The following UNC13C variants were observed in gnomAD, a reference collection of about 807,000 sequenced individuals.
UNC13C encodes unc-13 homolog C, also known as protein unc-13 homolog C.
Under a neutral mutation model 245.4 loss-of-function variants are expected in UNC13C, and 174 were observed. That is an observed-to-expected ratio of 0.71 (90% CI 0.63 to 0.80). UNC13C has a LOEUF of 0.80. Ranked by LOEUF, UNC13C falls within the 30% of genes least tolerant of loss-of-function variation. UNC13C has a pLI of 0.00. For missense variants in UNC13C, 2,829 were observed against 2,602.9 expected (o/e 1.09, Z -1.89); for synonymous variants, 992 against 895.1 (o/e 1.11, Z -1.93).
intron 1 of UNC13C, among the ~76,000 whole-genome samples, chr15:53,986,300 T>G (rs1416810723): frequency 6.6e-6 from 1 of 152,090 alleles, no homozygotes; most frequent in Non-Finnish European, 1.5e-5. Context: ...GGGTCAACTC[T>G]AGAATCTATT....
intron 18 of UNC13C, among the ~76,000 whole-genome samples, chr15:54,399,120 G>A (rs1289894507): frequency 6.6e-6 from 1 of 151,608 alleles, no homozygotes; most frequent in Admixed American, 6.6e-5. Context: ...ACTGAGTGGA[G>A]TGTTAAGGAA....
chr15:54,144,822 G>A (rs944836624), intron 4 of UNC13C, among the ~76,000 whole-genome samples: 10 of 151,840 alleles, frequency 6.6e-5, no homozygotes, highest in Non-Finnish European at 1.5e-4. Context: ...AGATACTATG[G>A]TAAATATATC....
chr15:54,006,722 T>G (rs17731916), intron 1 of UNC13C, among the ~76,000 whole-genome samples: 1 of 152,214 alleles, frequency 6.6e-6, no homozygotes, highest in African/African-American at 2.4e-5. Context: ...TTGCTCATCA[T>G]CTGCCTTGTC....
chr15:54,381,825 A>G (rs1352647887), intron 17 of UNC13C, among the ~76,000 whole-genome samples: 1 of 152,136 alleles, frequency 6.6e-6, no homozygotes, highest in African/African-American at 2.4e-5. Context: ...TCAACATCCT[A>G]CTCTCAGCAT....
chr15:54,278,739 G>A (rs2036900074), intron 10 of UNC13C, among the ~76,000 whole-genome samples: 1 of 152,008 alleles, frequency 6.6e-6, no homozygotes, highest in Non-Finnish European at 1.5e-5. Flanking sequence ...TGCAGAACTG[G>A]TCATTACACA....
At chr15:54,362,544 A>G (rs2039258188) in intron 17 of UNC13C, among the ~76,000 whole-genome samples, 1 of 152,208 alleles carries the variant, frequency 6.6e-6, no homozygotes. Flanking sequence ...ATATTCCACC[A>G]TCATGCTGAC....
At chr15:54,316,848 C>A (rs1191947150) in intron 13 of UNC13C, among the ~76,000 whole-genome samples, 1 of 151,868 alleles carries the variant, frequency 6.6e-6, no homozygotes, top group Non-Finnish European at 1.5e-5. Flanking sequence ...ATCCTATGGC[C>A]CACCCAAACC....
the UNC13C span, among the ~76,000 whole-genome samples, chr15:53,898,209 T>C: frequency 1.6e-3 from 199 of 123,464 alleles, no homozygotes; most frequent in Middle Eastern, 0.015. Context: ...ACCACCACCA[T>C]CATCATCATC....
chr15:53,914,558 G>A, the UNC13C span: 1 of 152,560 alleles, frequency 6.6e-6, no homozygotes, highest in Admixed American at 6.5e-5. Flanking sequence ...TTGACCCTGA[G>A]GCCAAGGGAG....
the UNC13C span, among the ~76,000 whole-genome samples, chr15:53,866,591 C>T: frequency 6.6e-6 from 1 of 152,192 alleles, no homozygotes; most frequent in Non-Finnish European, 1.5e-5. Context: ...AGACAGAGTT[C>T]TTTCTCCCAG....
chr15:54,388,439 G>A lies in UNC13C; in HGVS notation c.4714-4609G>A, dbSNP rs1020004170. Among the ~76,000 whole-genome samples the A allele has an allele frequency of 3.3e-5, 5 of 152,094 alleles. No individual in the cohort carries two copies. The South Asian group carries it at 1.0e-3, about 32-fold the overall frequency. ...GGCAATGCCACTATGGGTCCAACTCGAGGCTGTCTCTCATTCCTCACAGGT... is the reference window on the plus strand; with the variant it reads ...GGCAATGCCACTATGGGTCCAACTCAAGGCTGTCTCTCATTCCTCACAGGT... On this transcript the variant is annotated intron_variant, in intron 17 of 32. Transcript: ENST00000260323.
intron 1 of UNC13C, among the ~76,000 whole-genome samples, chr15:54,009,509 A>C (rs990707024): frequency 1.3e-5 from 2 of 152,082 alleles, no homozygotes; most frequent in Admixed American, 1.3e-4. Context: ...TTAATGTACA[A>C]GATAAAGCAG....
At chr15:54,136,344 G>T (rs1406969343) in intron 2 of UNC13C, among the ~76,000 whole-genome samples, 14 of 151,844 alleles carry the variant, frequency 9.2e-5, no homozygotes, top group African/African-American at 2.9e-4. Context: ...GTTTTGCCAT[G>T]TTGCCCACTG....
chr15:54,443,486 C>G (rs1226914732), intron 19 of UNC13C, among the ~76,000 whole-genome samples: 1 of 151,924 alleles, frequency 6.6e-6, no homozygotes, highest in Non-Finnish European at 1.5e-5. Flanking sequence ...TCTTGAGGAG[C>G]AGCATTAGAT....
intron 19 of UNC13C, among the ~76,000 whole-genome samples, chr15:54,441,689 A>G (rs978455627): frequency 2.2e-5 from 3 of 134,486 alleles, no homozygotes; most frequent in African/African-American, 8.4e-5. Context: ...TTGTGGCTAC[A>G]TAGGAATTTT....
At position 54,494,743 on chromosome 15, in the gene UNC13C, T is replaced by C. The variant is rs1370927223; in HGVS notation, c.5060+9T>C. 3 of 1,607,660 alleles carry C rather than the reference T, an allele frequency of 1.9e-6. No homozygotes were observed. Among genetic ancestry groups the C allele is most frequent in the Non-Finnish European group, 2.5e-6 (3 of 1,177,452 alleles). On this transcript the variant is annotated intron_variant, in intron 20 of 32. Transcript: ENST00000260323. ...GTTCCTGAATACTCCTTGTAAGTAG[T>C]GATTTTAACACACACACCCTCAGAT...
chr15:54,164,741 T>C (rs915312933), intron 4 of UNC13C, among the ~76,000 whole-genome samples: 1 of 152,136 alleles, frequency 6.6e-6, no homozygotes, highest in African/African-American at 2.4e-5. Context: ...GTTTAATTTT[T>C]CTCAGAACCA....
At position 54,036,262 on chromosome 15, in the gene UNC13C, T is replaced by C. The variant is rs930810352; in HGVS notation, c.2983+20376T>C. On this transcript the variant is annotated intron_variant, in intron 2 of 32. Transcript: ENST00000260323. Reference sequence around the variant, plus strand: ...CTATAATGGTCTAATTCAGTGGTTTTCAACTTGAGGTGCGACTGACACTAC... The same window carrying C: ...CTATAATGGTCTAATTCAGTGGTTTCCAACTTGAGGTGCGACTGACACTAC... 2.0e-5 allele frequency among the ~76,000 whole-genome samples: 3 copies of C among 152,304 alleles called. No homozygotes were observed. In the Middle Eastern group the frequency reaches 0.01, roughly 518 times the overall value.
the UNC13C span, among the ~76,000 whole-genome samples, chr15:53,905,929 A>C: frequency 6.6e-6 from 1 of 152,202 alleles, no homozygotes; most frequent in Non-Finnish European, 1.5e-5. Flanking sequence ...AGCAGATTGA[A>C]ATAACAGACA....
Sources: gnomAD v4.1 joint callset for allele counts (sites outside exome capture counted in the v4.1 genomes callset) on GRCh38, gnomAD v4.1.1 for gene constraint, MANE v1.5 for transcripts, NCBI Gene and HGNC (gene_info 2026-07-23, HGNC 2026-07-21) for gene names.